Variants in NALF1 observed in about 807,000 individuals in gnomAD.
The protein encoded by NALF1 is NALCN channel auxiliary factor 1.
NALF1 carries 3 observed loss-of-function variants against 48.4 expected under a neutral mutation model. That is an observed-to-expected ratio of 0.06 (90% CI 0.03 to 0.16). The LOEUF (loss-of-function observed/expected upper bound fraction) is 0.16, where lower values mean the gene tolerates loss of function less well. Ranked by LOEUF, NALF1 falls within the 10% of genes least tolerant of loss-of-function variation. The pLI, the probability that NALF1 is intolerant of heterozygous loss-of-function variation, is 1.00. For synonymous variants in NALF1, 262 were observed against 245.7 expected (o/e 1.07, Z -0.62); for missense variants, 526 against 571.5 (o/e 0.92, Z 0.81).
At chr13:107,260,417 G>T (rs1250714696) in intron 1 of NALF1, among the ~76,000 whole-genome samples, 2 of 152,170 alleles carry the variant, frequency 1.3e-5, no homozygotes, top group Admixed American at 1.3e-4. Flanking sequence ...TTGAAAGTCA[G>T]GTAAGATTAT....
At chr13:107,340,324 AGAGAC>A (rs1882646107) in intron 1 of NALF1, among the ~76,000 whole-genome samples, 1 of 152,010 alleles carries the variant, frequency 6.6e-6, no homozygotes, top group Non-Finnish European at 1.5e-5. Context: ...TATGTTTAGT[AGAGAC>A]AGGGTTTCAC....
At chr13:107,844,528 T>G (rs1880122569) in intron 1 of NALF1, among the ~76,000 whole-genome samples, 1 of 152,178 alleles carries the variant, frequency 6.6e-6, no homozygotes, top group African/African-American at 2.4e-5. Context: ...TCAGTAGTTC[T>G]TGCTACAGAC....
intron 1 of NALF1, among the ~76,000 whole-genome samples, chr13:107,276,417 C>G (rs1378612470): frequency 6.6e-6 from 1 of 152,110 alleles, no homozygotes; most frequent in Non-Finnish European, 1.5e-5. Flanking sequence ...CATGTCCCAA[C>G]AGGAAATAAC....
chr13:107,517,682 G>A (rs544996640), intron 1 of NALF1, among the ~76,000 whole-genome samples: 8 of 150,912 alleles, frequency 5.3e-5, no homozygotes, highest in South Asian at 4.2e-4. Context: ...AAGGCCAGGC[G>A]CAGTGGCTCA....
intron 1 of NALF1, among the ~76,000 whole-genome samples, chr13:107,649,714 T>A (rs1377802080): frequency 6.6e-6 from 1 of 152,180 alleles, no homozygotes; most frequent in Non-Finnish European, 1.5e-5. Context: ...CATGGCCACC[T>A]TGAATGATAA....
At chr13:107,681,916 A>T (rs1881314766) in intron 1 of NALF1, among the ~76,000 whole-genome samples, 1 of 152,010 alleles carries the variant, frequency 6.6e-6, no homozygotes, top group Non-Finnish European at 1.5e-5. Flanking sequence ...ACCCCTAAAC[A>T]AGCTTCCCAG....
chr13:107,793,799 C>G (rs759281019), intron 1 of NALF1, among the ~76,000 whole-genome samples: 1 of 152,048 alleles, frequency 6.6e-6, no homozygotes, highest in Non-Finnish European at 1.5e-5. Context: ...CCCACTTCAA[C>G]TTAACTACTT....
chr13:107,712,178 G>A (rs539095990), intron 1 of NALF1, among the ~76,000 whole-genome samples: 1 of 152,190 alleles, frequency 6.6e-6, no homozygotes, highest in South Asian at 2.1e-4. Flanking sequence ...TTGGCAATTA[G>A]GATCTAAACA....
At chr13:107,294,550 C>T (rs1881688802) in intron 1 of NALF1, among the ~76,000 whole-genome samples, 1 of 152,220 alleles carries the variant, frequency 6.6e-6, no homozygotes, top group African/African-American at 2.4e-5. Flanking sequence ...AGTGCCCTAA[C>T]ATGTGCAAGA....
intron 1 of NALF1, among the ~76,000 whole-genome samples, chr13:107,407,479 T>C (rs765434307): frequency 6.6e-6 from 1 of 152,034 alleles, no homozygotes; most frequent in Non-Finnish European, 1.5e-5. Context: ...AAAGAAGACA[T>C]ACAAATGGCA....
intron 1 of NALF1, among the ~76,000 whole-genome samples, chr13:107,821,500 T>C (rs780447156): frequency 6.6e-6 from 1 of 152,232 alleles, no homozygotes; most frequent in Non-Finnish European, 1.5e-5. Context: ...TGCAGAATTC[T>C]TTCCAAAAAC....
At chr13:107,257,502 T>C (rs1312098019) in intron 1 of NALF1, among the ~76,000 whole-genome samples, 1 of 149,490 alleles carries the variant, frequency 6.7e-6, no homozygotes, top group East Asian at 2.0e-4. Flanking sequence ...TTTTTTTTTT[T>C]TCTGCTTTGA....
chr13:107,641,998 T>C (rs1427274457), intron 1 of NALF1, among the ~76,000 whole-genome samples: 2 of 152,160 alleles, frequency 1.3e-5, no homozygotes, highest in African/African-American at 4.8e-5. Context: ...GACTGCAATG[T>C]GCAGTGAAGA....
At chr13:107,723,906 A>G (rs1176432837) in intron 1 of NALF1, among the ~76,000 whole-genome samples, 1 of 152,206 alleles carries the variant, frequency 6.6e-6, no homozygotes, top group Non-Finnish European at 1.5e-5. Flanking sequence ...ATATTCTTAT[A>G]TATTGTTATA....
chr13:107,828,608 C>T (rs3931325), intron 1 of NALF1, among the ~76,000 whole-genome samples: 1,729 of 12,448 alleles, frequency 0.14, 34 homozygotes, highest in East Asian at 0.2. Context: ...TATATCTATA[C>T]ACACACACAC....
chr13:107,299,681 C>CTTAT (rs59861743), intron 1 of NALF1, among the ~76,000 whole-genome samples: 9,822 of 148,220 alleles, frequency 0.066, 503 homozygotes, highest in African/African-American at 0.12. Context: ...AGAACTGTTC[C>CTTAT]TTATTTATTT....
intron 1 of NALF1, among the ~76,000 whole-genome samples, chr13:107,349,749 A>C (rs1213312462): frequency 2.6e-5 from 4 of 151,778 alleles, no homozygotes; most frequent in African/African-American, 9.7e-5. Flanking sequence ...CAAAAAAAAA[A>C]AAAAAAGAAA....
intron 1 of NALF1, among the ~76,000 whole-genome samples, chr13:107,778,511 C>T (rs1416838296): frequency 6.6e-6 from 1 of 152,192 alleles, no homozygotes; most frequent in Non-Finnish European, 1.5e-5. Flanking sequence ...AGATATGACT[C>T]TTGATGGCAG....
chr13:107,798,664 C>G (rs980100759), intron 1 of NALF1, among the ~76,000 whole-genome samples: 1 of 152,042 alleles, frequency 6.6e-6, no homozygotes, highest in African/African-American at 2.4e-5. Flanking sequence ...GAATTCAGAC[C>G]AAAAATTCTA....
Sources: allele counts gnomAD v4.1 joint callset (sites outside exome capture counted in the v4.1 genomes callset), GRCh38; gene constraint gnomAD v4.1.1; transcripts MANE v1.5; gene names NCBI Gene and HGNC (gene_info 2026-07-23, HGNC 2026-07-21).